FLNB: variants seen among roughly 807,000 people sequenced by gnomAD.
FLNB encodes filamin-B.
In FLNB, 111 loss-of-function variants were observed where a neutral mutation model predicts 250.6. That is an observed-to-expected ratio of 0.44 (90% CI 0.38 to 0.52). FLNB has a LOEUF of 0.52. Ranked by LOEUF, FLNB falls within the 20% of genes least tolerant of loss-of-function variation. The pLI is 0.00. For missense variants in FLNB, 2,869 were observed against 3,447.8 expected (o/e 0.83, Z 4.20); for synonymous variants, 1,302 against 1,372.1 (o/e 0.95, Z 1.13).
chr3:58,010,791 C>T (rs1254020396), intron 1 of FLNB, among the ~76,000 whole-genome samples: 2 of 152,186 alleles, frequency 1.3e-5, no homozygotes, highest in African/African-American at 4.8e-5. Flanking sequence ...CTGATCTACC[C>T]ACTGTTTACA....
chr3:58,069,548 C>T (rs973847995), intron 1 of FLNB, among the ~76,000 whole-genome samples: 8 of 151,990 alleles, frequency 5.3e-5, no homozygotes, highest in African/African-American at 1.9e-4. Flanking sequence ...GCCCATAGTT[C>T]AGTTCTTTAG....
At chr3:58,104,668 G>A (rs1473406172) in intron 10 of FLNB, among the ~76,000 whole-genome samples, 3 of 152,078 alleles carry the variant, frequency 2.0e-5, no homozygotes, top group Non-Finnish European at 4.4e-5. Flanking sequence ...AGCCTCCCAT[G>A]CCAAGGTTAC....
intron 8 of FLNB, among the ~76,000 whole-genome samples, chr3:58,100,927 GT>G (rs2097250033): frequency 6.6e-6 from 1 of 151,924 alleles, no homozygotes; most frequent in Non-Finnish European, 1.5e-5. Flanking sequence ...TAGAGGTGGG[GT>G]CTCACTCTGT....
chr3:58,069,232 C>CTTTTTTTT (rs59689498), intron 1 of FLNB, among the ~76,000 whole-genome samples: 3 of 86,384 alleles, frequency 3.5e-5, no homozygotes, highest in Non-Finnish European at 6.6e-5. Flanking sequence ...TAGTTCAATT[C>CTTTTTTTT]TTTTTTTTTT....
chr3:58,098,011 G>A (rs1372340557), intron 7 of FLNB, 34 bp downstream of exon 7: 1 of 1,611,460 alleles, frequency 6.2e-7, no homozygotes, highest in East Asian at 2.2e-5. Context: ...TCTGACCTTT[G>A]CGCTTTCTTC....
At chr3:58,161,821 G>A (rs1218839412) in intron 42 of FLNB, among the ~76,000 whole-genome samples, 2 of 152,148 alleles carry the variant, frequency 1.3e-5, no homozygotes, top group Non-Finnish European at 2.9e-5. Context: ...AGCACCAGAT[G>A]TCCCACCTTC....
At chr3:58,120,590 A>G (rs1272879499) in intron 19 of FLNB, among the ~76,000 whole-genome samples, 1 of 152,204 alleles carries the variant, frequency 6.6e-6, no homozygotes. Flanking sequence ...CGGTACAGTC[A>G]GTTCTCAGCA....
chr3:58,106,728 A>G lies in FLNB; in HGVS notation c.1796A>G (p.Gln599Arg), dbSNP rs763272874. Residue 599 changes from glutamine to arginine, a missense_variant, in exon 12 of 46, where the codon CAG (glutamine) becomes CGG (arginine). Physicochemically the swap from Gln to Arg is conservative, Grantham distance 43. This residue lies in a region of FLNB where 1,348 missense variants were observed against 1,466.7 expected (regional missense o/e 0.92). Transcript: ENST00000295956. ...CAGGCAAAGATTGAGTACAACGACC[A>G]GAATGATGGATCGTGTGATGTCAAA... ...PSQAKIEYND[Q>R]NDGSCDVKYW... The G allele has an allele frequency of 1.4e-5, 23 of 1,614,112 alleles. No homozygotes were observed. The African/African-American group carries it at 2.4e-4, about 17-fold the overall frequency.
Position 58,094,951 on chromosome 3 carries a change from G to C in FLNB, c.903G>C (p.Glu301Asp). The C allele has an allele frequency of 6.2e-7, 1 of 1,612,332 alleles. No homozygotes were observed. Among genetic ancestry groups the C allele is most frequent in the African/African-American group, 1.3e-5 (1 of 75,010 alleles). The part of the protein sequence containing the change: ...VFVEDPEGNK[E>D]EAQVTPDSDK... ...TTGAGGACCCAGAAGGGAACAAAGA[G>C]GAGGTATGTTGGAGGATGCTGCCTC... is the stretch of plus-strand genomic sequence containing the variant. Residue 301 changes from glutamate (E) to aspartate (D), a missense_variant, in exon 5 of 46, where the codon GAG (glutamate) becomes GAC (aspartate). Physicochemically the swap from Glu to Asp is conservative, Grantham distance 45 (BLOSUM62 2). Around this residue, in one of 5 missense-constraint regions of FLNB, gnomAD observed 308 missense variants for 466.1 expected, o/e 0.66. Coordinates refer to ENST00000295956, the MANE Select transcript of FLNB (RefSeq NM_001457.4).
rs770325452 is a variant in FLNB at position 58,104,065 on chromosome 3, G to A, written c.1590G>A (p.Gly530=). 42 of 1,613,800 alleles carry A rather than the reference G, an allele frequency of 2.6e-5. No homozygotes were observed. In the Admixed American group the frequency reaches 7.0e-4, roughly 27 times the overall value. Residue 530 remains glycine (G), a synonymous_variant, in exon 10 of 46, where the codon GGG becomes GGA. Coordinates refer to ENST00000295956, the MANE Select transcript of FLNB (RefSeq NM_001457.4). ...GATACAGCATTGCCATCACATGGGG[G>A]GGACACCACATTCCAAAGAGGTGAG... ...PGRYSIAITW[G]GHHIPKSPFE...
At chr3:58,028,895 C>T (rs943502595) in intron 1 of FLNB, among the ~76,000 whole-genome samples, 3 of 151,746 alleles carry the variant, frequency 2.0e-5, no homozygotes, top group African/African-American at 4.8e-5. Context: ...GGATTACAGG[C>T]GATAGCCACT....
In FLNB at chr3:58,008,636, C is replaced by G; in HGVS notation, c.72C>G (p.Arg24=). The change falls in exon 1 of 46, where the codon CGC becomes CGG. Residue 24 remains arginine (R), a synonymous_variant. Coordinates refer to ENST00000295956, the MANE Select transcript of FLNB (RefSeq NM_001457.4). ...WKKIQQNTFT[R]WCNEHLKCVN... ...AGATCCAGCAGAACACGTTCACACG[C>G]TGGTGCAACGAGCACCTCAAGTGCG... 6.2e-7 allele frequency: 1 copy of G among 1,614,050 alleles called. No homozygotes were observed. Among genetic ancestry groups the G allele is most frequent in the Middle Eastern group, 1.7e-4 (1 of 6,036 alleles).
At chr3:58,166,575 C>G (rs890060713) in intron 43 of FLNB, among the ~76,000 whole-genome samples, 1 of 152,156 alleles carries the variant, frequency 6.6e-6, no homozygotes, top group African/African-American at 2.4e-5. Flanking sequence ...AATCCCAGCA[C>G]TTTGGGAGGT....
Position 58,171,105 on chromosome 3 carries a change from C to T in FLNB, c.*343C>T. On this transcript the variant is annotated 3_prime_UTR_variant, in exon 46 of 46. Coordinates refer to ENST00000295956, the MANE Select transcript of FLNB (RefSeq NM_001457.4). The surrounding 1 kb of genome is among the most constrained non-coding windows in gnomAD (Gnocchi z 5.5). ...AAACAAAACTGGCTAGCCTGAGCTGCTGGTTCACTCTTCAGCATTTATGAA... is the reference window on the plus strand; with the variant it reads ...AAACAAAACTGGCTAGCCTGAGCTGTTGGTTCACTCTTCAGCATTTATGAA... The T allele has an allele frequency of 3.6e-6, 1 of 279,760 alleles. No individual in the cohort carries two copies. Among genetic ancestry groups the T allele is most frequent in the Non-Finnish European group, 6.8e-6 (1 of 146,286 alleles). 17.3% of individuals were successfully genotyped at this position (279,760 alleles called of 1,614,324 possible). A position where few individuals can be genotyped will look rare whatever the true frequency, so the allele number is the denominator to read the frequency against.
At chr3:58,112,400 C>A in intron 18 of FLNB, 82 bp downstream of exon 18, 1 of 1,419,762 alleles carries the variant, frequency 7.0e-7, no homozygotes, top group Non-Finnish European at 9.9e-7. Context: ...CTGTGGACAC[C>A]AAGGGGTGTG....
intron 39 of FLNB, 105 bp downstream of exon 39, chr3:58,153,746 A>T (rs2097349004): frequency 7.8e-7 from 1 of 1,290,260 alleles, no homozygotes; most frequent in East Asian, 2.5e-5. Flanking sequence ...AAGACTTCTG[A>T]TAGGTGGCAT....
rs185571559 is a variant in FLNB, at chr3:58,060,871, A to G, written c.293-16175A>G. On this transcript the variant is annotated intron_variant, in intron 1 of 45. Transcript: ENST00000295956. ...CAACCAAATGACTCCATCTTTTGCAATGTAATCTTCAACATCGACTCCTCT... is the reference window on the plus strand; with the variant it reads ...CAACCAAATGACTCCATCTTTTGCAGTGTAATCTTCAACATCGACTCCTCT... Among the ~76,000 whole-genome samples, 314 of 152,148 alleles carry G rather than the reference A, an allele frequency of 2.1e-3. 5 individuals carry two copies. The highest frequency in any genetic ancestry group is 1.6e-3 in the Non-Finnish European group (106 of 67,990).
chr3:58,153,529 G>A lies in FLNB; in HGVS notation c.6522G>A (p.Gln2174=). 1 of 1,614,158 alleles carries A rather than the reference G, an allele frequency of 6.2e-7. No individual in the cohort carries two copies. Among genetic ancestry groups the A allele is most frequent in the Non-Finnish European group, 8.5e-7 (1 of 1,180,050 alleles). ...CGGTCAGCGTCAAGTACCGTGGGCA[G>A]CACGTCACCGGCAGCCCCTTCCAGT... The part of the protein sequence containing the change: ...VHTVSVKYRG[Q]HVTGSPFQFT... Residue 2174 remains glutamine, a synonymous_variant, in exon 39 of 46, where the codon CAG becomes CAA. Transcript: ENST00000295956.
intron 1 of FLNB, among the ~76,000 whole-genome samples, chr3:58,010,518 G>A (rs1349230426): frequency 6.6e-6 from 1 of 152,080 alleles, no homozygotes; most frequent in Non-Finnish European, 1.5e-5. Context: ...TCTTCTTTCT[G>A]GGGTCCATCT....
Sources: gnomAD v4.1 joint callset for allele counts (sites outside exome capture counted in the v4.1 genomes callset) on GRCh38, gnomAD v4.1.1 for gene constraint, gnomAD v4.1.1 regional missense constraint, Gnocchi (gnomAD v3.1) non-coding constraint, MANE v1.5 for transcripts, NCBI Gene and HGNC (gene_info 2026-07-23, HGNC 2026-07-21) for gene names.